NIPBL: variants seen among roughly 807,000 people sequenced by gnomAD.
NIPBL encodes nipped-B-like protein.
NIPBL carries 19 observed loss-of-function variants against 321.8 expected under a neutral mutation model. The ratio of observed to expected loss-of-function variants is 0.06; its 90% confidence interval spans 0.04 to 0.09. The LOEUF is 0.09. NIPBL is among the 10% of genes least tolerant of loss of function. The pLI, the probability that NIPBL is intolerant of heterozygous loss-of-function variation, is 1.00. For missense variants in NIPBL, 2,210 were observed against 3,327.0 expected (o/e 0.66, Z 8.26); for synonymous variants, 1,106 against 1,114.1 (o/e 0.99, Z 0.14).
chr5:36,885,164 C>CA, intron 1 of NIPBL: 1 of 485,324 alleles, frequency 2.1e-6, no homozygotes, highest in Non-Finnish European at 4.1e-6. Context: ...TCAGGGTCAG[C>CA]AAAGCCTGAG....
At position 36,985,414 on chromosome 5, in the gene NIPBL, A is replaced by C. The variant is rs1482829100; in HGVS notation, c.2234A>C (p.Glu745Ala). 1 of 1,613,698 alleles carries C rather than the reference A, an allele frequency of 6.2e-7. No individual in the cohort carries two copies. Among genetic ancestry groups the C allele is most frequent in the African/African-American group, 1.3e-5 (1 of 74,994 alleles). Residue 745 changes from glutamate to alanine, a missense_variant, in exon 10 of 47, where the codon GAA (glutamate) becomes GCA (alanine). By Grantham distance (107) the Glu-to-Ala change is moderately radical. This residue lies in a region of NIPBL where 588 missense variants were observed against 564.1 expected (regional missense o/e 1.04). Coordinates refer to ENST00000282516, the MANE Select transcript of NIPBL (RefSeq NM_133433.4). ...AAGCAAAAAGGTGAGAGCCGCCCTGAAACTCCAAAGCAAAAAAATGAAGGG... is the reference window on the plus strand; with the variant it reads ...AAGCAAAAAGGTGAGAGCCGCCCTGCAACTCCAAAGCAAAAAAATGAAGGG... ...TPKQKGESRPETPKQKNEGRP... is the reference protein window; with the variant it reads ...TPKQKGESRPATPKQKNEGRP...
chr5:36,893,917 C>T (rs906227193), intron 1 of NIPBL, among the ~76,000 whole-genome samples: 2 of 152,122 alleles, frequency 1.3e-5, no homozygotes, highest in Admixed American at 1.3e-4. Flanking sequence ...TTCAGTACAG[C>T]CTACCAGCAG....
chr5:36,942,432 T>TAAAA (rs33935189), intron 1 of NIPBL, among the ~76,000 whole-genome samples: 1,598 of 59,714 alleles, frequency 0.027, 52 homozygotes, highest in Non-Finnish European at 0.033. Flanking sequence ...ACTCTGTCTT[T>TAAAA]AAAAAAAAAA....
rs150165384 is a variant in NIPBL, at chr5:36,946,974, A to C, written c.-79-6644A>C. On this transcript the variant is annotated intron_variant, in intron 1 of 46. Transcript: ENST00000282516. ...TTAGAAACACCTGAGTTCAAATCCT[A>C]TTTCTGCTGCATGCTGCCTGTTTAG... 8.2e-3 allele frequency among the ~76,000 whole-genome samples: 1,240 copies of C among 152,146 alleles called. 11 individuals carry two copies. The highest frequency in any genetic ancestry group is 0.028 in the African/African-American group (1,178 of 41,520).
intron 1 of NIPBL, among the ~76,000 whole-genome samples, chr5:36,878,351 C>T (rs1745251404): frequency 6.6e-6 from 1 of 152,170 alleles, no homozygotes; most frequent in Non-Finnish European, 1.5e-5. Flanking sequence ...TCTAACTTGA[C>T]AAGTTCTAGT....
intron 10 of NIPBL, among the ~76,000 whole-genome samples, chr5:36,994,658 A>G (rs2149660992): frequency 6.6e-6 from 1 of 152,300 alleles, no homozygotes; most frequent in South Asian, 2.1e-4. Flanking sequence ...TTCCACTCAA[A>G]GTAAGTAAAG....
At chr5:37,060,764 G>C in intron 44 of NIPBL, 80 bp from the exon 45 acceptor site, 1 of 1,197,196 alleles carries the variant, frequency 8.4e-7, no homozygotes, top group East Asian at 2.5e-5. Flanking sequence ...TTAATATGGT[G>C]CTTCCTACCT....
At chr5:36,893,506 C>T (rs1488056520) in intron 1 of NIPBL, among the ~76,000 whole-genome samples, 2 of 150,804 alleles carry the variant, frequency 1.3e-5, no homozygotes, top group Admixed American at 1.3e-4. Context: ...TTTTTTCAAA[C>T]TTTAATCCTT....
At chr5:36,919,038 C>T (rs1748709203) in intron 1 of NIPBL, among the ~76,000 whole-genome samples, 1 of 151,978 alleles carries the variant, frequency 6.6e-6, no homozygotes, top group Non-Finnish European at 1.5e-5. Flanking sequence ...TGCTGGCCTC[C>T]TAAAATAAAT....
chr5:36,912,255 T>C (rs949406607), intron 1 of NIPBL, among the ~76,000 whole-genome samples: 3 of 152,108 alleles, frequency 2.0e-5, no homozygotes, highest in African/African-American at 7.2e-5. Flanking sequence ...CTTTAGAGAT[T>C]GAAGTGCTGA....
At chr5:37,064,316 A>G in intron 46 of NIPBL, 1 of 1,422,792 alleles carries the variant, frequency 7.0e-7, no homozygotes, top group Non-Finnish European at 9.1e-7. Context: ...AAGAGTAAAG[A>G]CACGGGTACA....
chr5:36,915,522 T>C (rs550545235), intron 1 of NIPBL, among the ~76,000 whole-genome samples: 2 of 152,286 alleles, frequency 1.3e-5, no homozygotes, highest in African/African-American at 4.8e-5. Context: ...GTTATACCCC[T>C]GTAATTCCTG....
At position 37,002,672 on chromosome 5, in the gene NIPBL, T is replaced by C. The variant is rs768536990; in HGVS notation, c.3675T>C (p.Asp1225=). Residue 1225 remains aspartate, a synonymous_variant, in exon 15 of 47, where the codon GAT becomes GAC. Coordinates refer to ENST00000282516, the MANE Select transcript of NIPBL (RefSeq NM_133433.4). ...DMDFTAFGDD[D]EIPQELLLGK... The stretch of plus-strand genomic sequence containing the variant: ...GGCTTGATTTTGCAGGTGATGATGA[T>C]GAAATTCCTCAGGAACTGCTCTTAG... 17 of 1,608,212 alleles carry C rather than the reference T, an allele frequency of 1.1e-5. No homozygotes were observed. Among genetic ancestry groups the C allele is most frequent in the Non-Finnish European group, 1.4e-5 (17 of 1,174,956 alleles).
At chr5:36,922,589 T>C (rs1749032114) in intron 1 of NIPBL, among the ~76,000 whole-genome samples, 1 of 152,200 alleles carries the variant, frequency 6.6e-6, no homozygotes, top group African/African-American at 2.4e-5. Flanking sequence ...GGCTGTCTAA[T>C]GGTGGTATTT....
chr5:37,042,668 G>T (rs902795855), intron 34 of NIPBL, among the ~76,000 whole-genome samples: 5 of 151,526 alleles, frequency 3.3e-5, no homozygotes, highest in African/African-American at 1.2e-4. Context: ...CAGGCTAGTT[G>T]TCGATCCATA....
intron 1 of NIPBL, among the ~76,000 whole-genome samples, chr5:36,935,360 T>C (rs1363291286): frequency 2.0e-5 from 3 of 152,154 alleles, no homozygotes; most frequent in African/African-American, 7.2e-5. Flanking sequence ...CTATTCTTTG[T>C]TAAACCTACT....
At chr5:37,052,260 T>C in intron 41 of NIPBL, 106 bp from the exon 42 acceptor site, 2 of 871,118 alleles carry the variant, frequency 2.3e-6, no homozygotes, top group East Asian at 2.5e-5. Flanking sequence ...ATTATTTTAA[T>C]TAAAAAAAAA....
chr5:36,893,236 C>T (rs1746481057), intron 1 of NIPBL, among the ~76,000 whole-genome samples: 1 of 152,050 alleles, frequency 6.6e-6, no homozygotes, highest in African/African-American at 2.4e-5. Context: ...TTACTTTGTT[C>T]ATGAAGGGAT....
intron 9 of NIPBL, among the ~76,000 whole-genome samples, chr5:36,982,577 G>T (rs1744265170): frequency 6.6e-6 from 1 of 151,756 alleles, no homozygotes; most frequent in Non-Finnish European, 1.5e-5. Context: ...TTAATTACTT[G>T]TGTGCAAATA....
Sources: gnomAD v4.1 joint callset for allele counts (sites outside exome capture counted in the v4.1 genomes callset) on GRCh38, gnomAD v4.1.1 for gene constraint, gnomAD v4.1.1 regional missense constraint, MANE v1.5 for transcripts, NCBI Gene and HGNC (gene_info 2026-07-23, HGNC 2026-07-21) for gene names.